TADA2A: variants seen among roughly 807,000 people sequenced by gnomAD.
TADA2A encodes transcriptional adapter 2-alpha.
Under a neutral mutation model 67.4 loss-of-function variants are expected in TADA2A, and 38 were observed. The ratio of observed to expected loss-of-function variants is 0.56; its 90% CI spans 0.44 to 0.74. TADA2A has a LOEUF of 0.74. Ranked by LOEUF, TADA2A falls within the 30% of genes least tolerant of loss-of-function variation. The pLI, the probability that TADA2A is intolerant of heterozygous loss-of-function variation, is 0.00. For missense variants in TADA2A, 454 were observed against 547.0 expected, an observed-to-expected ratio of 0.83 and a Z score of 1.70; for synonymous variants, 192 against 181.6, an observed-to-expected ratio of 1.06 and a Z score of -0.46.
intron 4 of TADA2A, among the ~76,000 whole-genome samples, chr17:37,431,363 A>G (rs1376471153): frequency 6.6e-6 from 1 of 151,882 alleles, no homozygotes; most frequent in East Asian, 1.9e-4. Flanking sequence ...TGAATTTAGT[A>G]TAGGCATAGA....
At chr17:37,464,879 G>T (rs2053628774) in intron 10 of TADA2A, among the ~76,000 whole-genome samples, 2 of 147,750 alleles carry the variant, frequency 1.4e-5, no homozygotes, top group Admixed American at 6.8e-5. Flanking sequence ...GGGCGCGGTG[G>T]CTCATGCATG....
intron 2 of TADA2A, among the ~76,000 whole-genome samples, chr17:37,412,940 T>G (rs549391596): frequency 4.6e-5 from 7 of 152,274 alleles, no homozygotes; most frequent in Non-Finnish European, 8.8e-5. Flanking sequence ...AATTCGTGTT[T>G]TTTTTGAGAT....
intron 8 of TADA2A, among the ~76,000 whole-genome samples, chr17:37,448,492 G>T (rs2030315): frequency 0.48 from 73,192 of 151,986 alleles, 18,406 homozygotes; most frequent in East Asian, 0.8. Context: ...GAAAGAGAGA[G>T]AGAGAAGACT....
rs1414446929 is a variant in TADA2A at position 37,470,431 on chromosome 17, A to C, written c.927A>C (p.Thr309=). 14 of 1,613,740 alleles carry C rather than the reference A, an allele frequency of 8.7e-6. No individual in the cohort carries two copies. The highest frequency in any genetic ancestry group is 1.1e-5 in the Non-Finnish European group (13 of 1,179,906). Residue 309 remains threonine (T), a synonymous_variant, in exon 13 of 16, where the codon ACA becomes ACC. Coordinates refer to ENST00000615182, the MANE Select transcript of TADA2A (RefSeq NM_001166105.3). The part of the protein sequence containing the change: ...SARTYDHLKK[T]REEERLKRTM... Reference sequence around the variant, plus strand: ...GAACCTACGATCACCTCAAGAAGACACGGGAGGAAGAGCGCCTTAAACGCA... The same window carrying C: ...GAACCTACGATCACCTCAAGAAGACCCGGGAGGAAGAGCGCCTTAAACGCA...
intron 9 of TADA2A, 68 bp downstream of exon 9, chr17:37,458,655 G>C (rs1222603929): frequency 8.4e-7 from 1 of 1,185,776 alleles, no homozygotes; most frequent in South Asian, 1.5e-5. Flanking sequence ...GTGTGTGTGT[G>C]TGTGTGTGTG....
At chr17:37,410,412 G>A (rs956948802) in intron 1 of TADA2A, among the ~76,000 whole-genome samples, 2 of 150,912 alleles carry the variant, frequency 1.3e-5, no homozygotes, top group African/African-American at 4.9e-5. Context: ...CTGGGTCCCA[G>A]TAATCCTCCC....
Position 37,442,596 on chromosome 17 carries a change from T to G in TADA2A, c.475T>G (p.Ser159Ala), listed in dbSNP as rs775126931. Residue 159 changes from serine to alanine, a missense_variant, in exon 7 of 16, where the codon TCC becomes GCC. Ser to Ala is a moderately conservative substitution (Grantham distance 99). This residue lies in a region of TADA2A where 403 missense variants were observed against 455.5 expected (regional missense o/e 0.88). Coordinates refer to ENST00000615182, the MANE Select transcript of TADA2A (RefSeq NM_001166105.3). The stretch of plus-strand genomic sequence containing the variant: ...TGACCCTCCCCGACCTACCTTTGAC[T>G]CCTTGCTTTCTCGGGACATGGCCGG... The part of the protein sequence containing the change: ...TDDPPRPTFD[S>A]LLSRDMAGYM... 1.1e-5 allele frequency: 17 copies of G among 1,613,982 alleles called. No individual in the cohort carries two copies. The highest frequency in any genetic ancestry group is 7.6e-6 in the Non-Finnish European group (9 of 1,180,018).
chr17:37,411,362 G>C lies in TADA2A; in HGVS notation c.-4G>C. 1 of 1,613,932 alleles carries C rather than the reference G, an allele frequency of 6.2e-7. No homozygotes were observed. Among genetic ancestry groups the C allele is most frequent in the Admixed American group, 1.7e-5 (1 of 60,006 alleles). On this transcript the variant is annotated 5_prime_UTR_variant, in exon 2 of 16. Transcript: ENST00000615182. Reference sequence around the variant, plus strand: ...CCAAAGCAGCACTCGTTGCCAATTAGGGAATGGACCGTTTGGGTTCCTTTA... The same window carrying C: ...CCAAAGCAGCACTCGTTGCCAATTACGGAATGGACCGTTTGGGTTCCTTTA...
intron 5 of TADA2A, among the ~76,000 whole-genome samples, chr17:37,438,860 CAT>C (rs564876285): frequency 9.3e-4 from 141 of 152,314 alleles, no homozygotes; most frequent in African/African-American, 3.2e-3. Context: ...ATAAAAAAGA[CAT>C]AGCTTCTCTA....
At chr17:37,460,350 A>G (rs1287809998) in intron 9 of TADA2A, among the ~76,000 whole-genome samples, 1 of 152,030 alleles carries the variant, frequency 6.6e-6, no homozygotes, top group East Asian at 1.9e-4. Context: ...AGTTCAAGCA[A>G]TTATCGTGCC....
chr17:37,437,974 CTG>C, intron 5 of TADA2A, 145 bp downstream of exon 5: 1 of 704,724 alleles, frequency 1.4e-6, no homozygotes, highest in East Asian at 2.6e-5. Flanking sequence ...TTAGTCCCCT[CTG>C]TACATTATTT....
At chr17:37,411,613 A>G (rs1860531566) in intron 2 of TADA2A, among the ~76,000 whole-genome samples, 1 of 151,778 alleles carries the variant, frequency 6.6e-6, no homozygotes, top group Admixed American at 6.6e-5. Flanking sequence ...TATTTTTAGT[A>G]GAGATAGGGT....
chr17:37,432,128 C>G (rs1490642165), intron 4 of TADA2A, among the ~76,000 whole-genome samples: 1 of 151,628 alleles, frequency 6.6e-6, no homozygotes, highest in African/African-American at 2.4e-5. Context: ...ATGTACACTT[C>G]TGTTGTTTCT....
In TADA2A at chr17:37,465,448, C is replaced by T. The variant is rs1208030542; in HGVS notation, c.730C>T (p.Pro244Ser). The T allele has an allele frequency of 2.5e-6, 4 of 1,613,288 alleles. No individual in the cohort carries two copies. The highest frequency in any genetic ancestry group is 2.7e-5 in the African/African-American group (2 of 74,812). The part of the protein sequence containing the change: ...RKFQLMERRY[P>S]KEVQDLYETM... ...CTCTGTAGTAATGGAACGGCGGTATCCCAAGGAGGTCCAGGACCTGTATGA... is the reference window on the plus strand; with the variant it reads ...CTCTGTAGTAATGGAACGGCGGTATTCCAAGGAGGTCCAGGACCTGTATGA... Residue 244 changes from proline to serine, a missense_variant, in exon 11 of 16, where the codon CCC becomes TCC. By Grantham distance (74) the Pro-to-Ser change is moderately conservative. Around this residue, in one of 2 missense-constraint regions of TADA2A, gnomAD observed 403 missense variants for 455.5 expected, o/e 0.88. Transcript: ENST00000615182.
Position 37,474,642 on chromosome 17 carries a change from A to C in TADA2A, c.1146+13A>C. 1 of 1,606,736 alleles carries C rather than the reference A, an allele frequency of 6.2e-7. No individual in the cohort carries two copies. Among genetic ancestry groups the C allele is most frequent in the Non-Finnish European group, 8.5e-7 (1 of 1,175,822 alleles). On this transcript the variant is annotated intron_variant, in intron 15 of 15. Coordinates refer to ENST00000615182, the MANE Select transcript of TADA2A (RefSeq NM_001166105.3). Reference sequence around the variant, plus strand: ...AAAAGAAAAGGAGGTAACAAAAGGGAGGGGGCTGGGAGAAAGAGAATAGGG... The same window carrying C: ...AAAAGAAAAGGAGGTAACAAAAGGGCGGGGGCTGGGAGAAAGAGAATAGGG...
At position 37,465,474 on chromosome 17, in the gene TADA2A, A is replaced by G; in HGVS notation, c.756A>G (p.Glu252=). The G allele has an allele frequency of 6.2e-7, 1 of 1,614,170 alleles. No individual in the cohort carries two copies. The highest frequency in any genetic ancestry group is 8.5e-7 in the Non-Finnish European group (1 of 1,180,038). ...RYPKEVQDLY[E]TMRRFARIVG... ...CCAAGGAGGTCCAGGACCTGTATGAAACAATGAGGCGATTTGCAAGAATTG... is the reference window on the plus strand; with the variant it reads ...CCAAGGAGGTCCAGGACCTGTATGAGACAATGAGGCGATTTGCAAGAATTG... Residue 252 remains glutamate (E), a synonymous_variant, in exon 11 of 16, where the codon GAA becomes GAG. Transcript: ENST00000615182.
At chr17:37,476,762 A>G (rs765333483) in intron 15 of TADA2A, 35 bp from the exon 16 acceptor site, 1 of 1,578,162 alleles carries the variant, frequency 6.3e-7, no homozygotes, top group South Asian at 1.1e-5. Context: ...AAAATGACAG[A>G]TGTTAATGTT....
intron 5 of TADA2A, among the ~76,000 whole-genome samples, chr17:37,439,991 T>G (rs1262378161): frequency 6.7e-6 from 1 of 150,226 alleles, no homozygotes; most frequent in Non-Finnish European, 1.5e-5. Flanking sequence ...TTGCCCAGAC[T>G]GGAGTGCAAT....
intron 9 of TADA2A, among the ~76,000 whole-genome samples, chr17:37,460,493 C>T (rs1167137214): frequency 6.6e-6 from 1 of 152,150 alleles, no homozygotes; most frequent in Non-Finnish European, 1.5e-5. Flanking sequence ...GATCCGCCCA[C>T]CTCAGCCTCC....
Sources: gnomAD v4.1 joint callset for allele counts (sites outside exome capture counted in the v4.1 genomes callset) on GRCh38, gnomAD v4.1.1 for gene constraint, gnomAD v4.1.1 regional missense constraint, MANE v1.5 for transcripts, NCBI Gene and HGNC (gene_info 2026-07-23, HGNC 2026-07-21) for gene names.